ARHGAP26: variants seen among roughly 807,000 people sequenced by gnomAD.
ARHGAP26 encodes the protein rho GTPase-activating protein 26.
In ARHGAP26, 38 loss-of-function variants were observed where a neutral mutation model predicts 104.8. The ratio of observed to expected loss-of-function variants is 0.36; its 90% confidence interval spans 0.28 to 0.48. The LOEUF is 0.48. Among genes scored for constraint, ARHGAP26 ranks in the 20% least tolerant of loss-of-function variants. The pLI is 0.99. For missense variants in ARHGAP26, 704 were observed against 947.9 expected (o/e 0.74, Z 3.38); for synonymous variants, 341 against 340.0 (o/e 1.00, Z -0.03).
At chr5:143,201,272 G>A (rs1281710328) in intron 20 of ARHGAP26, among the ~76,000 whole-genome samples, 2 of 152,184 alleles carry the variant, frequency 1.3e-5, no homozygotes, top group Non-Finnish European at 2.9e-5. Context: ...ATATTTAGGG[G>A]CACTGGGCAT....
intron 22 of ARHGAP26, chr5:143,216,506 C>A: frequency 3.0e-6 from 1 of 328,896 alleles, no homozygotes; most frequent in Non-Finnish European, 6.1e-6. Flanking sequence ...GCAAGGTCGG[C>A]AAACTATGAC....
At chr5:142,944,032 A>G (rs559596412) in intron 11 of ARHGAP26, among the ~76,000 whole-genome samples, 3 of 152,302 alleles carry the variant, frequency 2.0e-5, no homozygotes, top group East Asian at 3.9e-4. Context: ...TTACCCATCT[A>G]AAGAATGACT....
chr5:142,879,907 A>G (rs948227148), intron 4 of ARHGAP26, among the ~76,000 whole-genome samples: 3 of 152,202 alleles, frequency 2.0e-5, no homozygotes, highest in Non-Finnish European at 4.4e-5. Context: ...GCTGGTACTT[A>G]GGTTTAGCTG....
chr5:143,141,867 C>A (rs1798578042), intron 19 of ARHGAP26, among the ~76,000 whole-genome samples: 1 of 152,210 alleles, frequency 6.6e-6, no homozygotes, highest in African/African-American at 2.4e-5. Flanking sequence ...TAGGGCCAGT[C>A]TTCCTCATTG....
Position 143,062,635 on chromosome 5 carries a change from G to A in ARHGAP26, c.1538+4888G>A, listed in dbSNP as rs114940327. The stretch of plus-strand genomic sequence containing the variant: ...TTAATGATCTAGAAACAGTGAATTG[G>A]GTTCATATACAAATGCTTGTGGTTA... On this transcript the variant is annotated intron_variant, in intron 17 of 22. Transcript: ENST00000645722. Among the ~76,000 whole-genome samples the A allele has an allele frequency of 8.9e-3, 1,359 of 151,846 alleles. 22 individuals carry two copies. The highest frequency in any genetic ancestry group is 0.031 in the African/African-American group (1,304 of 41,420).
chr5:142,955,311 T>A (rs551642524), intron 11 of ARHGAP26, among the ~76,000 whole-genome samples: 93 of 150,738 alleles, frequency 6.2e-4, no homozygotes, highest in Admixed American at 4.6e-3. Flanking sequence ...AAAAAAAAAA[T>A]TTTTTTTTAA....
intron 17 of ARHGAP26, among the ~76,000 whole-genome samples, chr5:143,104,066 T>G (rs1426033825): frequency 5.3e-5 from 8 of 150,230 alleles, no homozygotes; most frequent in Admixed American, 5.3e-4. Flanking sequence ...AGATAAAAGC[T>G]TTCAAAATAG....
At chr5:142,843,847 C>G (rs1039665395) in intron 1 of ARHGAP26, among the ~76,000 whole-genome samples, 3 of 152,090 alleles carry the variant, frequency 2.0e-5, no homozygotes, top group Admixed American at 2.0e-4. Context: ...GATGAAGAGC[C>G]TGAGCTTTGG....
At chr5:143,037,294 T>C (rs1332900563) in intron 13 of ARHGAP26, 33 bp downstream of exon 13, 1 of 1,546,564 alleles carries the variant, frequency 6.5e-7, no homozygotes. Context: ...ATTGTTCTCA[T>C]AGAAGGTCAC....
Position 142,907,737 on chromosome 5 carries a change from G to C in ARHGAP26, c.866G>C (p.Cys289Ser). The C allele has an allele frequency of 6.2e-7, 1 of 1,611,498 alleles. No individual in the cohort carries two copies. Among genetic ancestry groups the C allele is most frequent in the Non-Finnish European group, 8.5e-7 (1 of 1,178,314 alleles). ...GGAACTTCTTGGGTGAAGCACTACT[G>C]TACATATCAACGGGATTCCAAACAA... ...HFGTSWVKHY[C>S]TYQRDSKQIT... The change falls in exon 9 of 23, where the codon TGT becomes TCT. Residue 289 changes from cysteine to serine, a missense_variant. By Grantham distance (112) the Cys-to-Ser change is moderately radical. Transcript: ENST00000645722.
chr5:143,109,746 C>G (rs1185734310), intron 17 of ARHGAP26, among the ~76,000 whole-genome samples: 1 of 152,142 alleles, frequency 6.6e-6, no homozygotes, highest in Non-Finnish European at 1.5e-5. Context: ...GGCCATATCT[C>G]TCTCTCTTTG....
intron 11 of ARHGAP26, among the ~76,000 whole-genome samples, chr5:143,008,245 GAGGT>G (rs2152804042): frequency 6.6e-6 from 1 of 152,312 alleles, no homozygotes; most frequent in South Asian, 2.1e-4. Flanking sequence ...TGGCAAGACT[GAGGT>G]CTAGGGATGA....
chr5:143,228,518 C>A lies in ARHGAP26; in HGVS notation c.*6072C>A, dbSNP rs114765533. On this transcript the variant is annotated 3_prime_UTR_variant, in exon 23 of 23. Coordinates refer to ENST00000645722, the MANE Select transcript of ARHGAP26 (RefSeq NM_001135608.3). ...AAGTCATGTCGCAAGAAAGATCAAA[C>A]CCATGAATGCTTAGTAGCTAAGGCT... 0.013 allele frequency: 2,933 copies of A among 220,886 alleles called. 36 individuals are homozygous for A. Among genetic ancestry groups the A allele is most frequent in the Non-Finnish European group, 0.02 (2,217 of 110,028 alleles). 13.7% of individuals were successfully genotyped at this position (220,886 alleles called of 1,614,324 possible).
At chr5:143,124,358 T>C (rs1010892565) in intron 18 of ARHGAP26, among the ~76,000 whole-genome samples, 1 of 152,260 alleles carries the variant, frequency 6.6e-6, no homozygotes, top group Non-Finnish European at 1.5e-5. Flanking sequence ...TTTCTATTGC[T>C]ATATAGCAAA....
chr5:143,100,341 A>G (rs1793031293), intron 17 of ARHGAP26, among the ~76,000 whole-genome samples: 1 of 152,242 alleles, frequency 6.6e-6, no homozygotes, highest in East Asian at 1.9e-4. Flanking sequence ...CTTGAATAAT[A>G]AATAAGAGCC....
At chr5:143,121,896 C>G (rs1796180132) in intron 18 of ARHGAP26, among the ~76,000 whole-genome samples, 1 of 152,146 alleles carries the variant, frequency 6.6e-6, no homozygotes. Flanking sequence ...TTGGCAGCAA[C>G]AAATCTGGAA....
intron 22 of ARHGAP26, among the ~76,000 whole-genome samples, chr5:143,220,542 C>A (rs193025428): frequency 2.3e-4 from 35 of 152,260 alleles, no homozygotes; most frequent in African/African-American, 7.9e-4. Context: ...GATGGATGGG[C>A]AGAGGGCAGG....
intron 7 of ARHGAP26, among the ~76,000 whole-genome samples, chr5:142,902,828 G>A (rs542599805): frequency 6.6e-6 from 1 of 152,216 alleles, no homozygotes; most frequent in Non-Finnish European, 1.5e-5. Flanking sequence ...CAGAATGCAG[G>A]CTCTGAAATC....
At chr5:142,883,219 T>G (rs1757253651) in intron 4 of ARHGAP26, among the ~76,000 whole-genome samples, 1 of 152,204 alleles carries the variant, frequency 6.6e-6, no homozygotes, top group South Asian at 2.1e-4. Flanking sequence ...CCCTGGCCTT[T>G]TCTCACCTCT....
Sources: allele counts gnomAD v4.1 joint callset (sites outside exome capture counted in the v4.1 genomes callset), GRCh38; gene constraint gnomAD v4.1.1; transcripts MANE v1.5; gene names NCBI Gene and HGNC (gene_info 2026-07-23, HGNC 2026-07-21).